Variants in THSD4 observed in about 807,000 individuals in gnomAD.
The protein encoded by THSD4 is thrombospondin type 1 domain containing 4.
THSD4 carries 69 observed loss-of-function variants against 119.0 expected under a neutral mutation model. The ratio of observed to expected loss-of-function variants is 0.58; its 90% confidence interval spans 0.48 to 0.71. The LOEUF (loss-of-function observed/expected upper bound fraction) is 0.71, where lower values mean the gene tolerates loss of function less well. THSD4 is among the 30% of genes least tolerant of loss of function. THSD4 has a pLI of 0.00. For synonymous variants in THSD4, 524 were observed against 540.4 expected (o/e 0.97, Z 0.42); for missense variants, 1,393 against 1,391.1 (o/e 1.00, Z -0.02).
intron 7 of THSD4, among the ~76,000 whole-genome samples, chr15:71,512,653 G>C (rs992916821): frequency 1.3e-5 from 2 of 152,004 alleles, no homozygotes; most frequent in Non-Finnish European, 2.9e-5. Context: ...ATTCCCCTGG[G>C]GGCTTAATCT....
intron 7 of THSD4, among the ~76,000 whole-genome samples, chr15:71,647,002 C>T (rs1034874394): frequency 5.3e-5 from 8 of 152,260 alleles, no homozygotes; most frequent in Admixed American, 4.6e-4. Context: ...GTCACAACCA[C>T]GTGCAGTATA....
At chr15:71,435,879 A>G (rs1310185121) in intron 7 of THSD4, among the ~76,000 whole-genome samples, 2 of 152,078 alleles carry the variant, frequency 1.3e-5, no homozygotes, top group Non-Finnish European at 2.9e-5. Context: ...CATGGATAGA[A>G]CTCCTTTTAG....
At chr15:71,658,876 C>A (rs2051242132) in intron 7 of THSD4, among the ~76,000 whole-genome samples, 1 of 152,130 alleles carries the variant, frequency 6.6e-6, no homozygotes, top group Non-Finnish European at 1.5e-5. Context: ...TCAATGTGCG[C>A]TTGGGAATAT....
rs36119455 is a variant in THSD4 at position 71,205,869 on chromosome 15, C to CTT, written c.100-9150_100-9149dup. The stretch of plus-strand genomic sequence containing the variant: ...GATCTGGCTGGAGTCTGGAGATTCT[C>CTT]TTTTTTTTTTTTTTTTTGAGATGGA... On this transcript the variant is annotated intron_variant, in intron 3 of 17. Coordinates refer to ENST00000261862, the MANE Select transcript of THSD4 (RefSeq NM_024817.3). Among the ~76,000 whole-genome samples, 1,178 of 130,752 alleles carry CTT rather than the reference C, an allele frequency of 9.0e-3. 20 individuals carry two copies. The highest frequency in any genetic ancestry group is 0.022 in the African/African-American group (773 of 34,822). The allele number at this position is 130,752 out of a possible 152,430, so 85.8% of individuals were successfully genotyped here. A position where few individuals can be genotyped will look rare whatever the true frequency, so the allele number is the denominator to read the frequency against.
At chr15:71,520,990 C>T (rs1483689415) in intron 7 of THSD4, among the ~76,000 whole-genome samples, 1 of 152,224 alleles carries the variant, frequency 6.6e-6, no homozygotes, top group Admixed American at 6.5e-5. Flanking sequence ...TGGCTAGCAT[C>T]TTCCTTCCGT....
At chr15:71,493,964 T>A (rs1174514208) in intron 7 of THSD4, among the ~76,000 whole-genome samples, 1 of 152,218 alleles carries the variant, frequency 6.6e-6, no homozygotes, top group African/African-American at 2.4e-5. Context: ...AGAGCACTAA[T>A]GAGCGCATGG....
intron 8 of THSD4, among the ~76,000 whole-genome samples, chr15:71,672,060 A>C (rs35827682): frequency 6.6e-6 from 1 of 152,168 alleles, no homozygotes; most frequent in African/African-American, 2.4e-5. Context: ...CATTGAATCT[A>C]TAAATTACCT....
chr15:71,379,006 A>G (rs1351622906), intron 6 of THSD4, among the ~76,000 whole-genome samples: 1 of 151,400 alleles, frequency 6.6e-6, no homozygotes, highest in African/African-American at 2.4e-5. Context: ...CTGGTCTTGA[A>G]CTCCTGGGCT....
intron 7 of THSD4, among the ~76,000 whole-genome samples, chr15:71,629,519 AT>A (rs1431033697): frequency 6.6e-6 from 1 of 152,086 alleles, no homozygotes; most frequent in African/African-American, 2.4e-5. Context: ...CGCCCTAACT[AT>A]CCCAGCTAAA....
intron 1 of THSD4, among the ~76,000 whole-genome samples, chr15:71,100,028 A>T (rs2040247739): frequency 6.6e-6 from 1 of 152,172 alleles, no homozygotes; most frequent in East Asian, 1.9e-4. Flanking sequence ...CTTAGGCAGT[A>T]TGTAGTTGTT....
Position 71,728,575 on chromosome 15 carries a change from A to C in THSD4, c.1384A>C (p.Ile462Leu), listed in dbSNP as rs754159588. The C allele has an allele frequency of 1.3e-5, 21 of 1,614,098 alleles. No individual in the cohort carries two copies. The highest frequency in any genetic ancestry group is 1.7e-5 in the Non-Finnish European group (20 of 1,180,044). ...CCTGAGAAGTCGTTCTGGACGCTCC[A>C]TCATCAATGGGAACTGGGCAATTGA... ...LALRSRSGRSIINGNWAIDRP... is the reference protein window; with the variant it reads ...LALRSRSGRSLINGNWAIDRP... The change falls in exon 9 of 18, where the codon ATC becomes CTC. Residue 462 changes from isoleucine (I) to leucine (L), a missense_variant. By Grantham distance (5) the Ile-to-Leu change is conservative. Coordinates refer to ENST00000261862, the MANE Select transcript of THSD4 (RefSeq NM_024817.3).
intron 10 of THSD4, among the ~76,000 whole-genome samples, chr15:71,735,347 A>C (rs1284364338): frequency 6.6e-6 from 1 of 152,116 alleles, no homozygotes; most frequent in Non-Finnish European, 1.5e-5. Flanking sequence ...CTCCTGGGAC[A>C]CTGGACATTG....
chr15:71,777,109 C>A, intron 17 of THSD4, 123 bp from the exon 18 acceptor site: 1 of 1,122,532 alleles, frequency 8.9e-7, no homozygotes. Flanking sequence ...CACATTCATA[C>A]CCCACAATGG....
chr15:71,271,874 T>C lies in THSD4; in HGVS notation c.1015+15159T>C, dbSNP rs371930180. Among the ~76,000 whole-genome samples, 4 of 152,236 alleles carry C rather than the reference T, an allele frequency of 2.6e-5. No homozygotes were observed. In the East Asian group the frequency reaches 5.8e-4, roughly 22 times the overall value. ...TAGGAGAAACACTACAAGACATCAG[T>C]CTAGGGGATGATTTCTTGCATATGA... On this transcript the variant is annotated intron_variant, in intron 6 of 17. Transcript: ENST00000261862.
intron 3 of THSD4, among the ~76,000 whole-genome samples, chr15:71,199,637 G>GC (rs2043760948): frequency 1.6e-5 from 1 of 61,342 alleles, no homozygotes. Flanking sequence ...GGTGTGTGTG[G>GC]TGTGTGTGTG....
At chr15:71,346,633 A>G (rs2045664373) in intron 6 of THSD4, among the ~76,000 whole-genome samples, 2 of 151,732 alleles carry the variant, frequency 1.3e-5, no homozygotes, top group Admixed American at 6.6e-5. Context: ...GCCCTCGTCC[A>G]TTTTTTTTGG....
At chr15:71,653,178 C>A (rs977491906) in intron 7 of THSD4, among the ~76,000 whole-genome samples, 7 of 152,204 alleles carry the variant, frequency 4.6e-5, no homozygotes, top group African/African-American at 1.4e-4. Flanking sequence ...TAATGATACT[C>A]CTGCTGAAGC....
At chr15:71,472,383 T>C (rs141212252) in intron 7 of THSD4, among the ~76,000 whole-genome samples, 1 of 152,330 alleles carries the variant, frequency 6.6e-6, no homozygotes, top group African/African-American at 2.4e-5. Flanking sequence ...TTATCATTAT[T>C]ATCATCAACA....
intron 7 of THSD4, among the ~76,000 whole-genome samples, chr15:71,520,407 C>T (rs2048423007): frequency 6.6e-6 from 1 of 152,190 alleles, no homozygotes; most frequent in Admixed American, 6.5e-5. Flanking sequence ...GGAGTGACTG[C>T]TCTTTCTTGA....
Sources: allele counts gnomAD v4.1 joint callset (sites outside exome capture counted in the v4.1 genomes callset), GRCh38; gene constraint gnomAD v4.1.1; transcripts MANE v1.5; gene names NCBI Gene and HGNC (gene_info 2026-07-23, HGNC 2026-07-21).